SNRPN: variants seen among roughly 807,000 people sequenced by gnomAD.
The protein encoded by SNRPN is small nuclear ribonucleoprotein polypeptide N.
SNRPN carries 7 observed loss-of-function variants against 25.2 expected under a neutral mutation model. The ratio of observed to expected loss-of-function variants is 0.28; its 90% confidence interval spans 0.16 to 0.52. The LOEUF is 0.52. Ranked by LOEUF, SNRPN falls within the 20% of genes least tolerant of loss-of-function variation. The probability of loss-of-function intolerance (pLI) is 0.96; values close to 1 mark genes in which losing one functional copy is unlikely to be tolerated. For missense variants in SNRPN, 196 were observed against 322.5 expected, an observed-to-expected ratio of 0.61 and a Z score of 3.00; for synonymous variants, 124 against 110.6, an observed-to-expected ratio of 1.12 and a Z score of -0.76.
intron 2 of SNRPN, among the ~76,000 whole-genome samples, chr15:24,899,660 T>C (rs2058325801): frequency 6.6e-6 from 1 of 152,180 alleles, no homozygotes; most frequent in South Asian, 2.1e-4. Context: ...CTTAGGTGGT[T>C]TCTAGTGTAG....
chr15:24,927,772 T>C (rs2060519507), intron 3 of SNRPN, among the ~76,000 whole-genome samples: 1 of 152,190 alleles, frequency 6.6e-6, no homozygotes, highest in Non-Finnish European at 1.5e-5. Flanking sequence ...ATGTTTAATA[T>C]CTTTCCTCTG....
rs1319551410 is a variant in SNRPN, at chr15:24,972,452, G to T, written c.-143-1859G>T. On this transcript the variant is annotated intron_variant, in intron 3 of 9. Coordinates refer to ENST00000390687, the MANE Select transcript of SNRPN (RefSeq NM_003097.6). ...GTTTGCTTATTTGAAAAGTTCTTTT[G>T]AGATCTTTATAGGTTTTATTTAATA... Among the ~76,000 whole-genome samples, 4 of 151,692 alleles carry T rather than the reference G, an allele frequency of 2.6e-5. No homozygotes were observed. The East Asian group carries it at 7.8e-4, about 29-fold the overall frequency.
intron 1 of SNRPN, among the ~76,000 whole-genome samples, chr15:24,862,415 C>CAGA (rs1404719619): frequency 1.3e-5 from 2 of 150,552 alleles, no homozygotes; most frequent in East Asian, 2.0e-4. Context: ...GACCTGAGAA[C>CAGA]AGAAGAGAGC....
At chr15:24,858,909 A>G (rs983508220) in intron 1 of SNRPN, among the ~76,000 whole-genome samples, 1 of 150,836 alleles carries the variant, frequency 6.6e-6, no homozygotes, top group African/African-American at 2.4e-5. Flanking sequence ...CCTTTGTTGC[A>G]TGCCCGGACA....
rs2077322739 is a variant in SNRPN, at chr15:24,978,568, A to G, written c.*124A>G. The G allele has an allele frequency of 2.2e-6, 2 of 904,584 alleles. No homozygotes were observed. Among genetic ancestry groups the G allele is most frequent in the Non-Finnish European group, 3.6e-6 (2 of 550,926 alleles). 56.0% of individuals were successfully genotyped at this position (904,584 alleles called of 1,614,324 possible). On this transcript the variant is annotated 3_prime_UTR_variant, in exon 10 of 10. Transcript: ENST00000390687. ...ATAATAGCTAATAATAAATGCATAG[A>G]GCAATTAAACTGTGAGGTACTGTTG...
Position 24,962,098 on chromosome 15 carries a change from C to T in SNRPN, c.-390-16C>T. 6.2e-7 allele frequency: 1 copy of T among 1,610,186 alleles called. No homozygotes were observed. ...GATGCAGTCTACCAAACAAATGCCT[C>T]TCTTTTCTGTTTCAGGGATCGCTTA... On this transcript the variant is annotated splice_polypyrimidine_tract_variant and intron_variant, in intron 1 of 9. Coordinates refer to ENST00000390687, the MANE Select transcript of SNRPN (RefSeq NM_003097.6).
At chr15:24,843,274 A>G (rs1424182991) in intron 2 of SNRPN, among the ~76,000 whole-genome samples, 1 of 152,164 alleles carries the variant, frequency 6.6e-6, no homozygotes, top group African/African-American at 2.4e-5. Context: ...GAGGTATTAT[A>G]TGGTTACTAC....
chr15:24,865,027 C>G (rs11634935), intron 1 of SNRPN, among the ~76,000 whole-genome samples: 28,673 of 150,014 alleles, frequency 0.19, 3,054 homozygotes, highest in Middle Eastern at 0.32. Flanking sequence ...CCCATGTTCA[C>G]CTTGGTGTGG....
upstream of SNRPN, among the ~76,000 whole-genome samples, chr15:24,854,891 A>G (rs1282309196): frequency 1.3e-5 from 2 of 152,028 alleles, no homozygotes; most frequent in African/African-American, 2.4e-5. Context: ...TCCCATCACC[A>G]TACTCGGGAG....
chr15:24,843,559 G>C (rs1462613420), intron 2 of SNRPN, among the ~76,000 whole-genome samples: 1 of 152,056 alleles, frequency 6.6e-6, no homozygotes, highest in African/African-American at 2.4e-5. Context: ...GAGGCAGGCG[G>C]ATCACCTGAG....
chr15:24,923,923 ATTTTTT>A lies in SNRPN; in HGVS notation c.-391+3819_-391+3824del, dbSNP rs34575205. ...TGTGTGTGTGTGTGTGTATATAAAC[ATTTTTT>A]TTTTTTTTTTTTTTTTTTTGAGATG... is the stretch of plus-strand genomic sequence containing the variant. On this transcript the variant is annotated intron_variant, in intron 3 of 11. Transcript: ENST00000400097. 8.9e-5 allele frequency among the ~76,000 whole-genome samples: 8 copies of A among 89,916 alleles called. 2 individuals carry two copies. Among genetic ancestry groups the A allele is most frequent in the East Asian group, 7.4e-4 (2 of 2,696 alleles). The allele number at this position is 89,916 out of a possible 152,430, so 59.0% of individuals were successfully genotyped here.
At chr15:24,878,569 T>C (rs888027229) in intron 1 of SNRPN, among the ~76,000 whole-genome samples, 1 of 152,244 alleles carries the variant, frequency 6.6e-6, no homozygotes, top group Non-Finnish European at 1.5e-5. Context: ...TCGTAAAAAT[T>C]TGCTTTCTAG....
chr15:24,851,962 TTCTA>T (rs1474459743), upstream of SNRPN: 2 of 152,252 alleles, frequency 1.3e-5, no homozygotes, highest in African/African-American at 4.8e-5. Flanking sequence ...TGTAACTTTA[TTCTA>T]TCACATATGA....
chr15:24,945,606 C>T (rs2061834942), intron 3 of SNRPN, among the ~76,000 whole-genome samples: 1 of 151,990 alleles, frequency 6.6e-6, no homozygotes, highest in East Asian at 1.9e-4. Context: ...TGCTGACCGT[C>T]AAGGGCTCTC....
chr15:24,913,829 T>C (rs1169263502), intron 2 of SNRPN, among the ~76,000 whole-genome samples: 3 of 152,148 alleles, frequency 2.0e-5, no homozygotes, highest in African/African-American at 7.2e-5. Context: ...AGAGAATGAA[T>C]AGTTATCAAA....
At chr15:24,857,519 A>G (rs537555119) in intron 1 of SNRPN, among the ~76,000 whole-genome samples, 1 of 152,242 alleles carries the variant, frequency 6.6e-6, no homozygotes, top group South Asian at 2.1e-4. Context: ...TAAGGAAATT[A>G]CAGTCCTTAT....
intron 2 of SNRPN, among the ~76,000 whole-genome samples, chr15:24,906,383 T>C (rs982864815): frequency 1.3e-5 from 2 of 152,192 alleles, no homozygotes; most frequent in African/African-American, 4.8e-5. Flanking sequence ...TTCACCCACC[T>C]TGACCTCCCA....
At chr15:24,977,153 A>G in intron 7 of SNRPN, 124 bp downstream of exon 7, 1 of 681,202 alleles carries the variant, frequency 1.5e-6, no homozygotes, top group Admixed American at 3.9e-5. Context: ...AGGAGGAACC[A>G]AAACACAGAT....
At chr15:24,923,055 G>A (rs1463464000) in intron 3 of SNRPN, among the ~76,000 whole-genome samples, 3 of 151,928 alleles carry the variant, frequency 2.0e-5, no homozygotes, top group Non-Finnish European at 4.4e-5. Flanking sequence ...ACAGGCACCT[G>A]CCACCACACC....
Sources: gnomAD v4.1 joint callset for allele counts (sites outside exome capture counted in the v4.1 genomes callset) on GRCh38, gnomAD v4.1.1 for gene constraint, MANE v1.5 for transcripts, NCBI Gene and HGNC (gene_info 2026-07-23, HGNC 2026-07-21) for gene names.